CTNNA2: variants seen among roughly 807,000 people sequenced by gnomAD.
The protein encoded by CTNNA2 is catenin alpha-2.
Under a neutral mutation model 101.0 loss-of-function variants are expected in CTNNA2, and 42 were observed. The ratio of observed to expected loss-of-function variants is 0.42; its 90% CI spans 0.32 to 0.54. The LOEUF is 0.54. Ranked by LOEUF, CTNNA2 falls within the 20% of genes least tolerant of loss-of-function variation. CTNNA2 has a pLI of 0.14. For missense variants in CTNNA2, 871 were observed against 1,223.1 expected, an observed-to-expected ratio of 0.71 and a Z score of 4.29; for synonymous variants, 450 against 456.4, an observed-to-expected ratio of 0.99 and a Z score of 0.18.
intron 1 of CTNNA2, chr2:79,636,744 C>G (rs1447066969): frequency 6.6e-6 from 1 of 151,818 alleles, no homozygotes; most frequent in Non-Finnish European, 1.5e-5. Context: ...TAAATCCCAC[C>G]ACCCAGCATA....
At chr2:80,134,438 CG>C (rs1329141332) in intron 7 of CTNNA2, among the ~76,000 whole-genome samples, 6 of 152,264 alleles carry the variant, frequency 3.9e-5, no homozygotes, top group African/African-American at 1.4e-4. Context: ...ATATGCAACC[CG>C]CTAATGACCC....
rs556726094 is a variant in CTNNA2, at chr2:80,098,811, C to T, written c.1056+189014C>T. Among the ~76,000 whole-genome samples, 18 of 152,296 alleles carry T rather than the reference C, an allele frequency of 1.2e-4. No homozygotes were observed. The South Asian group carries it at 2.1e-3, about 18-fold the overall frequency. ...GGCATAGGACCCTCTGAGCCAGGTG[C>T]GGGTTATAACCTCCTGGTGTGCCGT... On this transcript the variant is annotated intron_variant, in intron 7 of 18. Transcript: ENST00000402739.
chr2:79,503,155 G>A (rs1221762434), intron 4 of CTNNA2, among the ~76,000 whole-genome samples: 3 of 152,084 alleles, frequency 2.0e-5, no homozygotes, highest in Admixed American at 1.3e-4. Flanking sequence ...TGCTTCCAGT[G>A]CCTCTTCTAG....
At chr2:79,749,739 T>A (rs929719744) in intron 3 of CTNNA2, among the ~76,000 whole-genome samples, 1 of 152,236 alleles carries the variant, frequency 6.6e-6, no homozygotes, top group Admixed American at 6.5e-5. Flanking sequence ...TAACCACTTT[T>A]AGCTTCAGTT....
chr2:79,901,906 A>G (rs1309889849), intron 6 of CTNNA2, among the ~76,000 whole-genome samples: 1 of 152,218 alleles, frequency 6.6e-6, no homozygotes, highest in Admixed American at 6.5e-5. Flanking sequence ...GCTGAGTACA[A>G]TTAGATACAA....
At chr2:80,256,720 T>C (rs1672189025) in intron 7 of CTNNA2, among the ~76,000 whole-genome samples, 1 of 152,186 alleles carries the variant, frequency 6.6e-6, no homozygotes, top group Non-Finnish European at 1.5e-5. Flanking sequence ...CGATCTGGAA[T>C]GTTTCATACA....
chr2:79,371,538 C>A (rs568186042), intron 3 of CTNNA2, among the ~76,000 whole-genome samples: 39 of 152,192 alleles, frequency 2.6e-4, no homozygotes, highest in African/African-American at 9.4e-4. Context: ...CTCTGGCAGA[C>A]AAAAGAAACT....
At chr2:79,369,039 T>C (rs1457012102) in intron 3 of CTNNA2, among the ~76,000 whole-genome samples, 1 of 152,102 alleles carries the variant, frequency 6.6e-6, no homozygotes, top group Non-Finnish European at 1.5e-5. Flanking sequence ...TATTAAAGTT[T>C]GAGCCCAGAG....
intron 7 of CTNNA2, among the ~76,000 whole-genome samples, chr2:80,167,052 T>C (rs1391638802): frequency 6.6e-6 from 1 of 151,992 alleles, no homozygotes; most frequent in Admixed American, 6.6e-5. Context: ...CTTACACTTG[T>C]TTTATACATA....
chr2:79,952,613 A>G (rs1459154230), intron 7 of CTNNA2, among the ~76,000 whole-genome samples: 5 of 152,256 alleles, frequency 3.3e-5, no homozygotes, highest in East Asian at 1.9e-4. Context: ...AAGAAAAGAT[A>G]TAAAACAATA....
rs148633470 is a variant in CTNNA2, at chr2:80,136,099, G to T, written c.1056+226302G>T. Among the ~76,000 whole-genome samples, 320 of 152,274 alleles carry T rather than the reference G, an allele frequency of 2.1e-3. 2 individuals are homozygous for T. Among genetic ancestry groups the T allele is most frequent in the African/African-American group, 7.0e-3 (289 of 41,552 alleles). ...GTGCACAATGACAACGTGATTCTTG[G>T]TTTTTGTATAGTAGTTGCAGCATTT... On this transcript the variant is annotated intron_variant, in intron 7 of 18. Transcript: ENST00000402739.
At chr2:80,436,006 A>G (rs1050393998) in intron 9 of CTNNA2, among the ~76,000 whole-genome samples, 1 of 152,166 alleles carries the variant, frequency 6.6e-6, no homozygotes, top group African/African-American at 2.4e-5. Flanking sequence ...TTTTAAATGA[A>G]AAGATAGTAA....
chr2:79,889,945 G>A (rs1263240986), intron 6 of CTNNA2, among the ~76,000 whole-genome samples: 1 of 152,192 alleles, frequency 6.6e-6, no homozygotes, highest in Non-Finnish European at 1.5e-5. Flanking sequence ...GCCATTCTAT[G>A]TGACAGGAGA....
At chr2:79,928,974 T>A (rs1441077624) in intron 7 of CTNNA2, among the ~76,000 whole-genome samples, 3 of 152,214 alleles carry the variant, frequency 2.0e-5, no homozygotes, top group African/African-American at 7.2e-5. Flanking sequence ...AACACATTAT[T>A]AAAGGGATGA....
intron 7 of CTNNA2, among the ~76,000 whole-genome samples, chr2:79,915,833 C>T (rs927485269): frequency 3.9e-5 from 6 of 152,070 alleles, no homozygotes; most frequent in African/African-American, 7.2e-5. Flanking sequence ...ATATTACTGC[C>T]GAGAGAGGCC....
chr2:79,309,222 T>C (rs548706773), intron 2 of CTNNA2, among the ~76,000 whole-genome samples: 1 of 152,308 alleles, frequency 6.6e-6, no homozygotes, highest in African/African-American at 2.4e-5. Flanking sequence ...TTTATAATCA[T>C]ATTGTGTGAT....
At chr2:80,280,185 AATT>A (rs1307685786) in intron 7 of CTNNA2, among the ~76,000 whole-genome samples, 1 of 150,060 alleles carries the variant, frequency 6.7e-6, no homozygotes, top group Non-Finnish European at 1.5e-5. Context: ...CAAAAAAATG[AATT>A]ATTATTATTG....
chr2:79,877,788 A>G (rs184384242), intron 6 of CTNNA2, among the ~76,000 whole-genome samples: 78 of 152,350 alleles, frequency 5.1e-4, no homozygotes, highest in Non-Finnish European at 1.0e-3. Flanking sequence ...AAGGAACCAT[A>G]AAAATGCAAA....
rs386390569 is a variant in CTNNA2, at chr2:79,796,394, CA to C, written c.298+51830del. Among the ~76,000 whole-genome samples the C allele has an allele frequency of 9.8e-3, 927 of 94,780 alleles. 8 individuals are homozygous for C. The highest frequency in any genetic ancestry group is 0.014 in the Non-Finnish European group (608 of 42,708). 62.2% of individuals were successfully genotyped at this position (94,780 alleles called of 152,430 possible). A position where few individuals can be genotyped will look rare whatever the true frequency, so the allele number is the denominator to read the frequency against. ...TAGGCGACAGAGCGAGACTCCGTCT[CA>C]AAAAAAAAAAAAAAAAAGTGGCCTA... On this transcript the variant is annotated intron_variant, in intron 3 of 18. Coordinates refer to ENST00000402739, the MANE Select transcript of CTNNA2 (RefSeq NM_001282597.3).
Sources: allele counts gnomAD v4.1 joint callset (sites outside exome capture counted in the v4.1 genomes callset), GRCh38; gene constraint gnomAD v4.1.1; transcripts MANE v1.5; gene names NCBI Gene and HGNC (gene_info 2026-07-23, HGNC 2026-07-21).